Variants in ENTPD2 observed in about 807,000 individuals in gnomAD.
The protein encoded by ENTPD2 is CD39 antigen-like 1.
ENTPD2 carries 48 observed loss-of-function variants against 46.8 expected under a neutral mutation model. The observed-to-expected ratio is 1.03, with a 90% CI of 0.81 to 1.30. ENTPD2 has a LOEUF of 1.30. Ranked by LOEUF, ENTPD2 falls within the 50% of genes most tolerant of loss-of-function variation. ENTPD2 has a pLI of 0.00. For missense variants in ENTPD2, 707 were observed against 651.1 expected (o/e 1.09, Z -0.93); for synonymous variants, 316 against 286.1 (o/e 1.10, Z -1.06).
chr9:137,050,675 G>A, intron 5 of ENTPD2, 137 bp from the exon 6 acceptor site: 1 of 1,393,606 alleles, frequency 7.2e-7, no homozygotes, highest in Non-Finnish European at 9.5e-7. Context: ...CTGCCTGCTT[G>A]ACAGATCCCA....
Position 137,051,427 on chromosome 9 carries a change from G to A in ENTPD2, c.387-57C>T, listed in dbSNP as rs563590131. 3.9e-4 allele frequency: 603 copies of A among 1,543,616 alleles called. 4 individuals carry two copies. The African/African-American group carries it at 7.7e-3, about 20-fold the overall frequency. ...CTCCCCAGGTGGCTGTGAGCCTGCT[G>A]TAGGGGTGCTCGGAGTCCGCCCTGC... On this transcript the variant is annotated intron_variant, in intron 3 of 8. Coordinates refer to ENST00000355097, the MANE Select transcript of ENTPD2 (RefSeq NM_203468.3).
rs761312454 is a variant in ENTPD2 at position 137,052,232 on chromosome 9, T to A, written c.234A>T (p.Pro78=). ...TGGCTGGGCTGGGCTGGGCCTCACC[T>A]GGAACATCACAGGAGCTGTGCTGGC... ...IVGQHSSCDV[P]GGGISSYADN... Residue 78 remains proline, a splice_region_variant and synonymous_variant, in exon 2 of 9, where the codon CCA becomes CCT. Coordinates refer to ENST00000355097, the MANE Select transcript of ENTPD2 (RefSeq NM_203468.3). 1 of 1,612,122 alleles carries A rather than the reference T, an allele frequency of 6.2e-7. No individual in the cohort carries two copies. Among genetic ancestry groups the A allele is most frequent in the Admixed American group, 1.7e-5 (1 of 59,970 alleles).
At chr9:137,049,295 TGGAAGGCCAGTGAGGA>T (rs1832211700) in intron 7 of ENTPD2, 1 of 801,678 alleles carries the variant, frequency 1.2e-6, no homozygotes, top group Non-Finnish European at 2.1e-6. Context: ...CGCCCATGCC[TGGAAGGCCAGTGAGGA>T]GGGACAGCAG....
At chr9:137,053,156 G>T (rs1832335308) in intron 1 of ENTPD2, 1 of 152,352 alleles carries the variant, frequency 6.6e-6, no homozygotes, top group African/African-American at 2.4e-5. Context: ...GTCAGCGCGT[G>T]CACCGCCACA....
Position 137,049,010 on chromosome 9 carries a change from C to T in ENTPD2, c.1215G>A (p.Val405=), listed in dbSNP as rs1832202545. The T allele has an allele frequency of 1.3e-6, 2 of 1,537,800 alleles. No individual in the cohort carries two copies. Among genetic ancestry groups the T allele is most frequent in the African/African-American group, 1.4e-5 (1 of 72,876 alleles). ...LADYCAGAMF[V]QQLLSRGYGF... ...CGTAGCCGCGACTCAGCAGCTGCTG[C>T]ACGAACATGGCCCCGGCGCAGTAGT... Residue 405 remains valine, a synonymous_variant, in exon 8 of 9, where the codon GTG becomes GTA. Transcript: ENST00000355097.
chr9:137,050,811 G>A, intron 5 of ENTPD2, 91 bp downstream of exon 5: 1 of 1,462,828 alleles, frequency 6.8e-7, no homozygotes, highest in Non-Finnish European at 9.3e-7. Context: ...TTAAAGCCCA[G>A]CCTGGAGAAG....
At position 137,051,259 on chromosome 9, in the gene ENTPD2, C is replaced by T. The variant is rs555069562; in HGVS notation, c.498G>A (p.Gly166=). The change falls in exon 4 of 9, where the codon GGG becomes GGA. Residue 166 remains glycine (G), a synonymous_variant. Transcript: ENST00000355097. ...GARILSGQEE[G]VFGWVTANYL... ...AGTTGGCAGTCACCCAGCCAAACACCCCCTCTTCCTGGCCCGAGAGGATGC... is the reference window on the plus strand; with the variant it reads ...AGTTGGCAGTCACCCAGCCAAACACTCCCTCTTCCTGGCCCGAGAGGATGC... 5.0e-6 allele frequency: 8 copies of T among 1,612,916 alleles called. No individual in the cohort carries two copies. Among genetic ancestry groups the T allele is most frequent in the Admixed American group, 3.3e-5 (2 of 60,008 alleles).
In ENTPD2 at chr9:137,048,717, C is replaced by G; in HGVS notation, c.1428G>C (p.Leu476=). The G allele has an allele frequency of 6.2e-7, 1 of 1,606,624 alleles. No homozygotes were observed. The highest frequency in any genetic ancestry group is 1.1e-5 in the South Asian group (1 of 90,096). The change falls in exon 9 of 9, where the codon CTG becomes CTC. Residue 476 remains leucine (L), a synonymous_variant. Coordinates refer to ENST00000355097, the MANE Select transcript of ENTPD2 (RefSeq NM_203468.3). ...GACGCAGCAGCAGGACAAGCGCAGC[C>G]AGGAGCGCGGAGGCGAAGAGCAGCA... The part of the protein sequence containing the change: ...VLLLLFASAL[L]AALVLLLRQV...
chr9:137,050,455 C>T lies in ENTPD2; in HGVS notation c.858G>A (p.Met286Ile), dbSNP rs758600277. The change falls in exon 6 of 9, where the codon ATG (methionine) becomes ATA (isoleucine). Residue 286 changes from methionine (M) to isoleucine (I), a missense_variant. Met to Ile is a conservative substitution (Grantham distance 10, BLOSUM62 1). Transcript: ENST00000355097. ...TGTTGAAGTTCTGGGGCCGCTGGGCCATGGTGCATGGTGACTGGTACACAT... is the reference window on the plus strand; with the variant it reads ...TGTTGAAGTTCTGGGGCCGCTGGGCTATGGTGCATGGTGACTGGTACACAT... ...LGDVYQSPCTMAQRPQNFNSS... is the reference protein window; with the variant it reads ...LGDVYQSPCTIAQRPQNFNSS... 1.2e-6 allele frequency: 2 copies of T among 1,612,910 alleles called. No individual in the cohort carries two copies. Among genetic ancestry groups the T allele is most frequent in the African/African-American group, 2.7e-5 (2 of 75,058 alleles).
At chr9:137,049,688 G>A (rs1004221464) in intron 7 of ENTPD2, 182 bp downstream of exon 7, 12 of 669,170 alleles carry the variant, frequency 1.8e-5, no homozygotes, top group Non-Finnish European at 2.6e-5. Context: ...TCTCCAACCC[G>A]CCCGACTTGT....
At chr9:137,052,542 GT>G (rs1012658450) in intron 1 of ENTPD2, 194 bp from the exon 2 acceptor site, 25 of 526,044 alleles carry the variant, frequency 4.8e-5, no homozygotes, top group East Asian at 9.2e-5. Context: ...CAGGGAGGTG[GT>G]GGGGAGGTGA....
At chr9:137,049,652 G>C in intron 7 of ENTPD2, 1 of 548,784 alleles carries the variant, frequency 1.8e-6, no homozygotes, top group Non-Finnish European at 3.2e-6. Flanking sequence ...TCCAGATCTG[G>C]GATGAGGGTC....
rs1327362836 is a variant in ENTPD2 at position 137,048,994 on chromosome 9, G to T, written c.1231C>A (p.Arg411Ser). The T allele has an allele frequency of 3.3e-6, 5 of 1,536,780 alleles. No individual in the cohort carries two copies. Among genetic ancestry groups the T allele is most frequent in the Non-Finnish European group, 4.4e-6 (5 of 1,144,806 alleles). Residue 411 changes from arginine to serine, a missense_variant, in exon 8 of 9, where the codon CGC (arginine) becomes AGC (serine). By Grantham distance (110) the Arg-to-Ser change is moderately radical. Coordinates refer to ENST00000355097, the MANE Select transcript of ENTPD2 (RefSeq NM_203468.3). ...GCGCGCTCGTCGAAGCCGTAGCCGC[G>T]ACTCAGCAGCTGCTGCACGAACATG... ...GAMFVQQLLS[R>S]GYGFDERAFG...
At chr9:137,050,682 C>A in intron 5 of ENTPD2, 144 bp from the exon 6 acceptor site, 1 of 1,370,562 alleles carries the variant, frequency 7.3e-7, no homozygotes. Flanking sequence ...CTTGACAGAT[C>A]CCAACGCCCC....
chr9:137,052,745 TC>T (rs1162929334), intron 1 of ENTPD2: 1 of 155,074 alleles, frequency 6.4e-6, no homozygotes, highest in Non-Finnish European at 1.4e-5. Context: ...GAGTCCCTCT[TC>T]CTTCCTCCCC....
At chr9:137,049,581 G>A in intron 7 of ENTPD2, 1 of 464,250 alleles carries the variant, frequency 2.2e-6, no homozygotes, top group East Asian at 4.4e-5. Flanking sequence ...TCCCTTGTGT[G>A]GTACCATGGA....
chr9:137,053,890 G>T lies in ENTPD2; in HGVS notation c.108C>A (p.Pro36=), dbSNP rs1245299493. Residue 36 remains proline (P), a synonymous_variant, in exon 1 of 9, where the codon CCC becomes CCA. Transcript: ENST00000355097. ...GTGCCCGGGCGCGCACCTTGAGGGC[G>T]GGCGGCTCCCGGACGTCGCGGGTGG... ...CVPTRDVREP[P]ALKYGIVLDA... 2 of 1,224,912 alleles carry T rather than the reference G, an allele frequency of 1.6e-6. No homozygotes were observed. The highest frequency in any genetic ancestry group is 2.0e-6 in the Non-Finnish European group (2 of 983,412). 75.9% of individuals were successfully genotyped at this position (1,224,912 alleles called of 1,614,324 possible). A position where few individuals can be genotyped will look rare whatever the true frequency, so the allele number is the denominator to read the frequency against.
rs571941272 is a variant in ENTPD2 at position 137,051,067 on chromosome 9, C to A, written c.609G>T (p.Gly203=). Reference sequence around the variant, plus strand: ...CAAAAGTGATCTGGGTAGAGGCACCCCCCAGGTCCATGGCCCCCAGTGTCC... The same window carrying A: ...CAAAAGTGATCTGGGTAGAGGCACCACCCAGGTCCATGGCCCCCAGTGTCC... ...RKGTLGAMDL[G]GASTQITFET... The change falls in exon 5 of 9, where the codon GGG becomes GGT. Residue 203 remains glycine (G), a synonymous_variant. Coordinates refer to ENST00000355097, the MANE Select transcript of ENTPD2 (RefSeq NM_203468.3). 6.2e-7 allele frequency: 1 copy of A among 1,612,750 alleles called. No individual in the cohort carries two copies. The highest frequency in any genetic ancestry group is 2.2e-5 in the East Asian group (1 of 44,880).
At position 137,051,523 on chromosome 9, in the gene ENTPD2, T is replaced by TGGG; in HGVS notation, c.372_373insCCC (p.Gly124_Met125insPro). On this transcript the variant is annotated inframe_insertion, in exon 3 of 9. Transcript: ENST00000355097. ...AGGCACACTCACTTGAGCAGGCGCATACCCGCTGTGGCTCCCAGGTAGAGG... is the reference window on the plus strand; with the variant it reads ...AGGCACACTCACTTGAGCAGGCGCATGGGACCCGCTGTGGCTCCCAGGTAGAGG... 1.9e-6 allele frequency: 3 copies of TGGG among 1,603,804 alleles called. No homozygotes were observed. Among genetic ancestry groups the TGGG allele is most frequent in the Non-Finnish European group, 1.7e-6 (2 of 1,175,060 alleles).
Sources: gnomAD v4.1 joint callset for allele counts on GRCh38, gnomAD v4.1.1 for gene constraint, MANE v1.5 for transcripts, NCBI Gene and HGNC (gene_info 2026-07-23, HGNC 2026-07-21) for gene names.